The following DENND5B variants were observed in gnomAD, a reference collection of about 807,000 sequenced individuals.
DENND5B encodes the protein DENN domain-containing protein 5B.
In DENND5B, 34 loss-of-function variants were observed where a neutral mutation model predicts 140.6. The ratio of observed to expected loss-of-function variants is 0.24; its 90% CI spans 0.18 to 0.32. DENND5B has a LOEUF of 0.32. Among genes scored for constraint, DENND5B ranks in the 10% least tolerant of loss-of-function variants. The pLI is 1.00. For missense variants in DENND5B, 1,142 were observed against 1,560.2 expected, an observed-to-expected ratio of 0.73 and a Z score of 4.52; for synonymous variants, 551 against 562.1, an observed-to-expected ratio of 0.98 and a Z score of 0.28.
chr12:31,484,286 G>A (rs1946201462), intron 2 of DENND5B, among the ~76,000 whole-genome samples: 1 of 152,168 alleles, frequency 6.6e-6, no homozygotes, highest in Non-Finnish European at 1.5e-5. Flanking sequence ...GTTTTGAAAA[G>A]GAGATGGCAG....
intron 1 of DENND5B, among the ~76,000 whole-genome samples, chr12:31,517,571 C>A (rs1485874289): frequency 1.3e-5 from 2 of 152,212 alleles, no homozygotes; most frequent in Non-Finnish European, 2.9e-5. Context: ...AAATTAACAG[C>A]TGTAGCCTTA....
intron 3 of DENND5B, among the ~76,000 whole-genome samples, chr12:31,469,868 C>T (rs1158671767): frequency 6.6e-6 from 1 of 152,156 alleles, no homozygotes; most frequent in Non-Finnish European, 1.5e-5. Flanking sequence ...CTCCCCTTCA[C>T]CTCCTGCCAT....
chr12:31,525,260 T>C (rs1948045343), intron 1 of DENND5B, among the ~76,000 whole-genome samples: 1 of 152,220 alleles, frequency 6.6e-6, no homozygotes, highest in African/African-American at 2.4e-5. Context: ...GCAGCATTAT[T>C]CATAATAGCC....
chr12:31,449,695 T>C (rs530905436), intron 5 of DENND5B, among the ~76,000 whole-genome samples: 4 of 150,876 alleles, frequency 2.7e-5, no homozygotes, highest in African/African-American at 9.7e-5. Context: ...AGAATTTGAA[T>C]TGTCCCAAGG....
intron 7 of DENND5B, among the ~76,000 whole-genome samples, chr12:31,434,289 T>C (rs997977942): frequency 6.6e-6 from 1 of 152,202 alleles, no homozygotes; most frequent in African/African-American, 2.4e-5. Flanking sequence ...CTCCCCTAAT[T>C]ACTATGTTCC....
intron 14 of DENND5B, among the ~76,000 whole-genome samples, chr12:31,405,140 C>T (rs1206568635): frequency 6.6e-6 from 1 of 151,838 alleles, no homozygotes; most frequent in Non-Finnish European, 1.5e-5. Context: ...TGGACTCAAG[C>T]GATCTTTTTG....
intron 3 of DENND5B, among the ~76,000 whole-genome samples, chr12:31,477,044 T>C (rs1264791868): frequency 6.6e-6 from 1 of 151,872 alleles, no homozygotes; most frequent in Admixed American, 6.6e-5. Flanking sequence ...CTGACCAACA[T>C]GGTGAAAACC....
chr12:31,449,503 G>A (rs774823520), intron 5 of DENND5B, among the ~76,000 whole-genome samples: 2 of 152,032 alleles, frequency 1.3e-5, no homozygotes, highest in African/African-American at 4.8e-5. Context: ...GGTCAACAAC[G>A]ATTTGGCTTG....
intron 13 of DENND5B, among the ~76,000 whole-genome samples, chr12:31,412,600 C>G (rs534012140): frequency 6.6e-6 from 1 of 152,168 alleles, no homozygotes; most frequent in Non-Finnish European, 1.5e-5. Flanking sequence ...TGCTTGCCCT[C>G]GGCTCATCTC....
intron 1 of DENND5B, among the ~76,000 whole-genome samples, chr12:31,519,528 T>C (rs1466978707): frequency 6.6e-6 from 1 of 152,188 alleles, no homozygotes; most frequent in African/African-American, 2.4e-5. Context: ...TACATTAGAA[T>C]TTGAATGTAT....
At chr12:31,554,319 A>G (rs1949194668) in intron 1 of DENND5B, among the ~76,000 whole-genome samples, 1 of 152,118 alleles carries the variant, frequency 6.6e-6, no homozygotes, top group African/African-American at 2.4e-5. Context: ...TCCTTCACTT[A>G]TGAAGCTTAG....
chr12:31,549,785 G>A (rs1385679815), intron 1 of DENND5B, among the ~76,000 whole-genome samples: 3 of 152,052 alleles, frequency 2.0e-5, no homozygotes, highest in Non-Finnish European at 2.9e-5. Flanking sequence ...ATTTGTAAGT[G>A]AGAATATGCA....
chr12:31,415,898 C>T (rs1268102892), intron 11 of DENND5B, among the ~76,000 whole-genome samples: 4 of 151,876 alleles, frequency 2.6e-5, no homozygotes, highest in East Asian at 1.9e-4. Context: ...TGCAATGGCA[C>T]GATCTCAGCT....
intron 4 of DENND5B, among the ~76,000 whole-genome samples, chr12:31,454,506 C>A (rs890079567): frequency 6.6e-6 from 1 of 152,102 alleles, no homozygotes; most frequent in South Asian, 2.1e-4. Flanking sequence ...TGTAGTGGTG[C>A]GATCTCAGCT....
In DENND5B at chr12:31,480,130, T is replaced by C; in HGVS notation, c.363A>G (p.Glu121=). 1 of 1,612,340 alleles carries C rather than the reference T, an allele frequency of 6.2e-7. No individual in the cohort carries two copies. The highest frequency in any genetic ancestry group is 2.2e-5 in the East Asian group (1 of 44,856). The change falls in exon 3 of 21, where the codon GAA becomes GAG. Residue 121 remains glutamate, a synonymous_variant. Coordinates refer to ENST00000389082, the MANE Select transcript of DENND5B (RefSeq NM_144973.4). ...TGCAGATTTGCTTACTTGTAACTTC[T>C]TCATAAAAAGTGAGAACAAAACCAT... ...RTYGFVLTFY[E]EVTSKQICTA...
At chr12:31,499,520 G>T in intron 1 of DENND5B, 2 of 1,137,202 alleles carry the variant, frequency 1.8e-6, no homozygotes, top group Non-Finnish European at 2.3e-6. Context: ...AAGCAAAACT[G>T]AATAAAGAAA....
At chr12:31,389,574 T>C in intron 19 of DENND5B, 76 bp from the exon 20 acceptor site, 1 of 1,390,454 alleles carries the variant, frequency 7.2e-7, no homozygotes, top group Non-Finnish European at 9.8e-7. Flanking sequence ...ACTTAATTTA[T>C]TATGGAAACA....
chr12:31,395,626 A>G (rs1015719616), intron 17 of DENND5B, among the ~76,000 whole-genome samples: 6 of 152,082 alleles, frequency 3.9e-5, no homozygotes, highest in Non-Finnish European at 8.8e-5. Context: ...AAAACAAAAA[A>G]ACTGCACTCA....
intron 1 of DENND5B, among the ~76,000 whole-genome samples, chr12:31,541,531 A>G (rs1481153112): frequency 6.6e-6 from 1 of 152,218 alleles, no homozygotes; most frequent in African/African-American, 2.4e-5. Context: ...TGGCTTTTAT[A>G]CAAAGACAGG....
Sources: gnomAD v4.1 joint callset for allele counts (sites outside exome capture counted in the v4.1 genomes callset) on GRCh38, gnomAD v4.1.1 for gene constraint, MANE v1.5 for transcripts, NCBI Gene and HGNC (gene_info 2026-07-23, HGNC 2026-07-21) for gene names.